ASTN2: variants seen among roughly 807,000 people sequenced by gnomAD.
ASTN2 encodes astrotactin 2, also known as astrotactin-2.
In ASTN2, 54 loss-of-function variants were observed where a neutral mutation model predicts 139.8. That is an observed-to-expected ratio of 0.39 (90% CI 0.31 to 0.48). The LOEUF (loss-of-function observed/expected upper bound fraction) is 0.48, where lower values mean the gene tolerates loss of function less well. Ranked by LOEUF, ASTN2 falls within the 20% of genes least tolerant of loss-of-function variation. ASTN2 has a pLI of 0.95. For synonymous variants in ASTN2, 756 were observed against 719.5 expected, an observed-to-expected ratio of 1.05 and a Z score of -0.81; for missense variants, 1,565 against 1,725.1, an observed-to-expected ratio of 0.91 and a Z score of 1.64.
chr9:116,647,326 A>G (rs577307677), intron 17 of ASTN2, among the ~76,000 whole-genome samples: 1 of 152,302 alleles, frequency 6.6e-6, no homozygotes, highest in South Asian at 2.1e-4. Flanking sequence ...CTTAGCATAC[A>G]GTGGGGGCTC....
chr9:116,971,604 T>A (rs902966196), intron 10 of ASTN2, among the ~76,000 whole-genome samples: 2 of 152,186 alleles, frequency 1.3e-5, no homozygotes, highest in African/African-American at 4.8e-5. Context: ...TCAAAGCCCA[T>A]GACAAAGTGG....
At chr9:116,882,681 G>A (rs1833479460) in intron 10 of ASTN2, among the ~76,000 whole-genome samples, 1 of 152,214 alleles carries the variant, frequency 6.6e-6, no homozygotes, top group Admixed American at 6.5e-5. Context: ...GAAGATATTG[G>A]CAGACCATAG....
chr9:116,934,852 G>A (rs537527488), intron 10 of ASTN2, among the ~76,000 whole-genome samples: 13 of 152,296 alleles, frequency 8.5e-5, no homozygotes, highest in African/African-American at 2.6e-4. Context: ...GTGATTTTCT[G>A]TTGATGTTTA....
chr9:117,324,400 T>C (rs1272385225), intron 1 of ASTN2, among the ~76,000 whole-genome samples: 3 of 152,108 alleles, frequency 2.0e-5, no homozygotes, highest in Non-Finnish European at 4.4e-5. Flanking sequence ...TCAAGAAACT[T>C]ACGATCATAG....
At chr9:117,263,031 A>C (rs144604519) in intron 2 of ASTN2, among the ~76,000 whole-genome samples, 7,067 of 152,244 alleles carry the variant, frequency 0.046, 240 homozygotes, top group Middle Eastern at 0.14. Context: ...ACCCATTTTA[A>C]ATTTCTAAAC....
rs944722105 is a variant in ASTN2 at position 116,783,431 on chromosome 9, C to G, written c.2396+22201G>C. 2.0e-5 allele frequency among the ~76,000 whole-genome samples: 3 copies of G among 151,728 alleles called. No homozygotes were observed. In the East Asian group the frequency reaches 5.8e-4, roughly 30 times the overall value. On this transcript the variant is annotated intron_variant, in intron 13 of 22. Transcript: ENST00000313400. ...TACCACGCACCAAGCCCTGTTCACT[C>G]TAATTACTGGGCATACAAATAAACA...
At position 117,357,111 on chromosome 9, in the gene ASTN2, C is replaced by T. The variant is rs148064449; in HGVS notation, c.442+57386G>A. Among the ~76,000 whole-genome samples the T allele has an allele frequency of 7.2e-4, 109 of 152,192 alleles. 1 individual carries two copies. Among genetic ancestry groups the T allele is most frequent in the African/African-American group, 2.3e-3 (95 of 41,530 alleles). ...GAATATGAAGCATGTGCTACCAAGG[C>T]TGACTTACCCATCAGGTACAGTGTC... On this transcript the variant is annotated intron_variant, in intron 1 of 22. Coordinates refer to ENST00000313400, the MANE Select transcript of ASTN2 (RefSeq NM_001365068.1).
chr9:117,352,018 T>C (rs915031165), intron 1 of ASTN2, among the ~76,000 whole-genome samples: 12 of 152,182 alleles, frequency 7.9e-5, no homozygotes, highest in Admixed American at 7.2e-4. Context: ...ATCTTTTTAA[T>C]TGAATCAACT....
intron 1 of ASTN2, among the ~76,000 whole-genome samples, chr9:117,310,902 A>G (rs1028523004): frequency 1.3e-5 from 2 of 152,292 alleles, no homozygotes; most frequent in East Asian, 3.9e-4. Flanking sequence ...TACAGGCATG[A>G]GCCACTGTAC....
At chr9:117,055,012 T>C (rs988844088) in intron 5 of ASTN2, among the ~76,000 whole-genome samples, 1 of 152,144 alleles carries the variant, frequency 6.6e-6, no homozygotes, top group Non-Finnish European at 1.5e-5. Flanking sequence ...CTGCAGCTGA[T>C]CTGAAAAGAG....
intron 10 of ASTN2, among the ~76,000 whole-genome samples, chr9:116,937,866 T>C (rs1402726232): frequency 6.6e-6 from 1 of 152,194 alleles, no homozygotes; most frequent in Non-Finnish European, 1.5e-5. Flanking sequence ...TTTTCTGCCT[T>C]CATAAAGTTC....
intron 3 of ASTN2, among the ~76,000 whole-genome samples, chr9:117,157,775 G>A (rs1201803103): frequency 6.6e-6 from 1 of 151,984 alleles, no homozygotes; most frequent in East Asian, 1.9e-4. Flanking sequence ...ATGAGAAGGA[G>A]CGAATGACCC....
At chr9:116,944,268 G>A (rs1835319665) in intron 10 of ASTN2, among the ~76,000 whole-genome samples, 1 of 149,396 alleles carries the variant, frequency 6.7e-6, no homozygotes, top group Non-Finnish European at 1.5e-5. Flanking sequence ...ATGTGATGGA[G>A]AGATCTACAC....
chr9:116,714,193 C>T (rs182573300), intron 16 of ASTN2, among the ~76,000 whole-genome samples: 59 of 152,352 alleles, frequency 3.9e-4, no homozygotes, highest in Middle Eastern at 3.4e-3. Flanking sequence ...ATGTGCCCTA[C>T]TGCTGAGCTC....
At chr9:116,746,036 A>C (rs1306492451) in intron 13 of ASTN2, among the ~76,000 whole-genome samples, 1 of 149,836 alleles carries the variant, frequency 6.7e-6, no homozygotes, top group Non-Finnish European at 1.5e-5. Context: ...CATATGGCTC[A>C]TGGCCCCTTT....
intron 3 of ASTN2, among the ~76,000 whole-genome samples, chr9:117,167,336 A>G (rs1830692429): frequency 6.6e-6 from 1 of 152,112 alleles, no homozygotes; most frequent in African/African-American, 2.4e-5. Flanking sequence ...TGAAATCCAT[A>G]TAATTCTGAG....
At chr9:117,031,327 G>A (rs1838241144) in intron 6 of ASTN2, among the ~76,000 whole-genome samples, 1 of 152,074 alleles carries the variant, frequency 6.6e-6, no homozygotes, top group Non-Finnish European at 1.5e-5. Context: ...TTTCTTATAT[G>A]CCTACTGAGT....
chr9:116,917,474 G>A (rs1019962612), intron 10 of ASTN2, among the ~76,000 whole-genome samples: 7 of 152,128 alleles, frequency 4.6e-5, no homozygotes, highest in African/African-American at 9.7e-5. Flanking sequence ...AAACAAATGC[G>A]TTAAAGCATA....
chr9:117,315,869 A>G (rs569505086), intron 1 of ASTN2, among the ~76,000 whole-genome samples: 1 of 152,328 alleles, frequency 6.6e-6, no homozygotes, highest in South Asian at 2.1e-4. Flanking sequence ...TTCAGAGAGT[A>G]AAACCTCCAG....
Sources: gnomAD v4.1 joint callset for allele counts (sites outside exome capture counted in the v4.1 genomes callset) on GRCh38, gnomAD v4.1.1 for gene constraint, MANE v1.5 for transcripts, NCBI Gene and HGNC (gene_info 2026-07-23, HGNC 2026-07-21) for gene names.